Variants in ZNF704 observed in about 807,000 individuals in gnomAD.
ZNF704 encodes zinc finger protein 704, also known as glucocorticoid induced gene 1.
A neutral mutation model predicts 44.7 loss-of-function variants in ZNF704; 10 were observed. The ratio of observed to expected loss-of-function variants is 0.22; its 90% CI spans 0.14 to 0.38. The LOEUF (loss-of-function observed/expected upper bound fraction) is 0.38, where lower values mean the gene tolerates loss of function less well. Ranked by LOEUF, ZNF704 falls within the 10% of genes least tolerant of loss-of-function variation. ZNF704 has a pLI of 1.00. For synonymous variants in ZNF704, 211 were observed against 207.6 expected (o/e 1.02, Z -0.14); for missense variants, 390 against 545.5 (o/e 0.71, Z 2.84).
chr8:80,659,660 C>T lies in ZNF704; in HGVS notation c.957G>A (p.Ser319=), dbSNP rs769562251. ...TGCTGCCATTGGGGGTGAACTTGGC[C>T]GATCCTGGAATGGTCACAGGGGGTG... ...QATPPVTIPG[S]AKFTPNGSSF... The change falls in exon 7 of 9, where the codon TCG becomes TCA. Residue 319 remains serine, a synonymous_variant. Coordinates refer to ENST00000327835, the MANE Select transcript of ZNF704 (RefSeq NM_001033723.3). 14 of 1,613,662 alleles carry T rather than the reference C, an allele frequency of 8.7e-6. No individual in the cohort carries two copies. Among genetic ancestry groups the T allele is most frequent in the East Asian group, 2.2e-5 (1 of 44,876 alleles).
At chr8:80,832,783 GC>G (rs1279807676) in intron 1 of ZNF704, among the ~76,000 whole-genome samples, 1 of 151,974 alleles carries the variant, frequency 6.6e-6, no homozygotes, top group Non-Finnish European at 1.5e-5. Flanking sequence ...ACTCTTTAAG[GC>G]CCTTCCACTC....
chr8:80,746,049 T>G (rs1806838407), intron 2 of ZNF704, among the ~76,000 whole-genome samples: 1 of 152,230 alleles, frequency 6.6e-6, no homozygotes, highest in Admixed American at 6.5e-5. Context: ...ACAATCACTT[T>G]AATCACTTTG....
chr8:80,882,828 T>A, the ZNF704 span, among the ~76,000 whole-genome samples: 2 of 152,130 alleles, frequency 1.3e-5, no homozygotes, highest in Non-Finnish European at 2.9e-5. Flanking sequence ...TGGGAAGAAT[T>A]TTTAAAGTTT....
At chr8:80,799,222 TG>T (rs1807858830) in intron 2 of ZNF704, among the ~76,000 whole-genome samples, 1 of 152,216 alleles carries the variant, frequency 6.6e-6, no homozygotes, top group Non-Finnish European at 1.5e-5. Context: ...TATTTCAAAT[TG>T]TAGGATGCTA....
intron 8 of ZNF704, among the ~76,000 whole-genome samples, chr8:80,641,956 C>T (rs1274740675): frequency 6.6e-6 from 1 of 152,202 alleles, no homozygotes; most frequent in Non-Finnish European, 1.5e-5. Flanking sequence ...TACTTGTGGA[C>T]ATGTCCATTT....
intron 2 of ZNF704, among the ~76,000 whole-genome samples, chr8:80,709,248 T>C (rs931324322): frequency 1.7e-4 from 26 of 151,840 alleles, no homozygotes; most frequent in Non-Finnish European, 1.5e-5. Context: ...ATCAAGATCA[T>C]GCTGGCTAAC....
At chr8:80,676,150 A>G (rs1818362335) in intron 4 of ZNF704, among the ~76,000 whole-genome samples, 1 of 152,170 alleles carries the variant, frequency 6.6e-6, no homozygotes, top group Non-Finnish European at 1.5e-5. Context: ...AATCTCGTAG[A>G]GTGTTGTGGA....
intron 2 of ZNF704, among the ~76,000 whole-genome samples, chr8:80,742,931 G>GC (rs2131695640): frequency 6.6e-6 from 1 of 152,068 alleles, no homozygotes; most frequent in South Asian, 2.1e-4. Flanking sequence ...GGAAGGTGAC[G>GC]CATCCACCTT....
intron 2 of ZNF704, among the ~76,000 whole-genome samples, chr8:80,802,854 G>T (rs1200055704): frequency 2.0e-5 from 3 of 152,132 alleles, no homozygotes; most frequent in Non-Finnish European, 4.4e-5. Context: ...TCAGGCAAAA[G>T]AATGAAATAA....
intron 1 of ZNF704, among the ~76,000 whole-genome samples, chr8:80,862,097 G>A (rs953956211): frequency 2.9e-5 from 4 of 139,678 alleles, no homozygotes; most frequent in South Asian, 2.3e-4. Flanking sequence ...TCTGCCTCCC[G>A]GGTTCAAGCA....
chr8:80,692,887 C>A (rs1818662965), intron 3 of ZNF704, 117 bp downstream of exon 3: 3 of 886,236 alleles, frequency 3.4e-6, no homozygotes, highest in Admixed American at 4.7e-5. Flanking sequence ...TCTTTGCTTC[C>A]TGCTAATGGG....
intron 2 of ZNF704, among the ~76,000 whole-genome samples, chr8:80,701,777 C>T (rs949534114): frequency 2.0e-5 from 3 of 152,166 alleles, no homozygotes; most frequent in Non-Finnish European, 2.9e-5. Context: ...GGGAATTTAA[C>T]TTAATTCCCT....
At chr8:80,756,353 G>T (rs1178326806) in intron 2 of ZNF704, among the ~76,000 whole-genome samples, 1 of 152,108 alleles carries the variant, frequency 6.6e-6, no homozygotes, top group Non-Finnish European at 1.5e-5. Flanking sequence ...ATGTACCAGG[G>T]ATATTATTAT....
rs1291845845 is a variant in ZNF704 at position 80,807,632 on chromosome 8, CTA to C, written c.221+13740_221+13741del. On this transcript the variant is annotated intron_variant, in intron 2 of 8. Transcript: ENST00000327835. ...TATGAATATGTCAGCTCTGCTTAAT[CTA>C]TTTCTTTTGTTTGCATTTAAAAAAG... Among the ~76,000 whole-genome samples the C allele has an allele frequency of 9.9e-5, 15 of 151,972 alleles. No individual in the cohort carries two copies. In the East Asian group the frequency reaches 2.9e-3, roughly 29 times the overall value.
At chr8:80,862,676 A>G (rs1238357532) in intron 1 of ZNF704, among the ~76,000 whole-genome samples, 2 of 150,852 alleles carry the variant, frequency 1.3e-5, no homozygotes, top group African/African-American at 2.4e-5. Flanking sequence ...GAGGCACAAG[A>G]ACTGCCTGAA....
chr8:80,829,962 GGGCAGAT>G (rs1311222074), intron 1 of ZNF704, among the ~76,000 whole-genome samples: 1 of 152,128 alleles, frequency 6.6e-6, no homozygotes, highest in Admixed American at 6.5e-5. Flanking sequence ...CTAGCGGAAG[GGGCAGAT>G]GGCAGATGTA....
intron 1 of ZNF704, among the ~76,000 whole-genome samples, chr8:80,828,016 G>A (rs1808408543): frequency 6.6e-6 from 1 of 152,164 alleles, no homozygotes; most frequent in African/African-American, 2.4e-5. Context: ...GCATGGGCAA[G>A]GACTTCATGA....
chr8:80,697,662 T>C (rs1286071014), intron 2 of ZNF704, among the ~76,000 whole-genome samples: 3 of 152,222 alleles, frequency 2.0e-5, no homozygotes, highest in Non-Finnish European at 2.9e-5. Context: ...AGGATAAACA[T>C]AGACTTGTTG....
chr8:80,838,794 C>G (rs1367691293), intron 1 of ZNF704, among the ~76,000 whole-genome samples: 2 of 146,650 alleles, frequency 1.4e-5, no homozygotes, highest in African/African-American at 5.1e-5. Flanking sequence ...CGGCAGGGAG[C>G]AGACCCTGGA....
Sources: allele counts gnomAD v4.1 joint callset (sites outside exome capture counted in the v4.1 genomes callset), GRCh38; gene constraint gnomAD v4.1.1; transcripts MANE v1.5; gene names NCBI Gene and HGNC (gene_info 2026-07-23, HGNC 2026-07-21).